Variants in AHI1 observed in about 807,000 individuals in gnomAD.
AHI1 encodes the protein Abelson helper integration site 1.
In AHI1, 123 loss-of-function variants were observed where a neutral mutation model predicts 149.3. That is an observed-to-expected ratio of 0.82 (90% CI 0.71 to 0.96). The LOEUF (loss-of-function observed/expected upper bound fraction) is 0.96. AHI1 is among the 40% of genes least tolerant of loss of function. The pLI is 0.00. For missense variants in AHI1, 1,439 were observed against 1,422.7 expected (o/e 1.01, Z -0.18); for synonymous variants, 475 against 459.8 (o/e 1.03, Z -0.42).
intron 23 of AHI1, among the ~76,000 whole-genome samples, chr6:135,360,365 C>T (rs1793671833): frequency 6.6e-6 from 1 of 152,196 alleles, no homozygotes; most frequent in Non-Finnish European, 1.5e-5. Flanking sequence ...ACACTGCCCT[C>T]CATGATGTTA....
At chr6:135,323,482 G>A in intron 24 of AHI1, 158 bp from the exon 25 acceptor site, 1 of 596,556 alleles carries the variant, frequency 1.7e-6, no homozygotes, top group Non-Finnish European at 2.8e-6. Flanking sequence ...GAGGGGTGGT[G>A]GGAACACAGC....
intron 23 of AHI1, among the ~76,000 whole-genome samples, chr6:135,381,800 C>T (rs1776803224): frequency 6.6e-6 from 1 of 152,164 alleles, no homozygotes; most frequent in Non-Finnish European, 1.5e-5. Flanking sequence ...CTGCTGGACT[C>T]CCCAGATAGA....
At chr6:135,495,763 A>T (rs1325213532) in intron 3 of AHI1, 51 bp downstream of exon 3, 1 of 152,306 alleles carries the variant, frequency 6.6e-6, no homozygotes, top group East Asian at 1.9e-4. Flanking sequence ...GAGAAGCAAA[A>T]GCAAAGCGAG....
intron 26 of AHI1, among the ~76,000 whole-genome samples, chr6:135,303,024 G>A (rs1396281569): frequency 6.6e-6 from 1 of 152,204 alleles, no homozygotes; most frequent in Non-Finnish European, 1.5e-5. Context: ...AAAGTGACGA[G>A]TGAAAGGACC....
intron 20 of AHI1, among the ~76,000 whole-genome samples, chr6:135,424,657 CAT>C (rs917610260): frequency 3.9e-5 from 6 of 151,906 alleles, no homozygotes; most frequent in Non-Finnish European, 7.4e-5. Context: ...ACAACCTGAA[CAT>C]ATGTTTACCA....
At chr6:135,344,486 G>GTTAGGTATAATTATTATTAAAGAT (rs1790866496) in intron 24 of AHI1, among the ~76,000 whole-genome samples, 1 of 151,384 alleles carries the variant, frequency 6.6e-6, no homozygotes. Context: ...CTCAATAAGA[G>GTTAGGTATAATTATTATTAAAGAT]TTAGGTATAA....
intron 24 of AHI1, among the ~76,000 whole-genome samples, chr6:135,334,113 C>A (rs1200936621): frequency 1.3e-5 from 2 of 152,140 alleles, no homozygotes; most frequent in East Asian, 3.8e-4. Context: ...GGATGACTTT[C>A]CAAGTTAGAC....
At chr6:135,418,443 C>T (rs1782685353) in intron 20 of AHI1, among the ~76,000 whole-genome samples, 2 of 151,940 alleles carry the variant, frequency 1.3e-5, no homozygotes, top group Admixed American at 1.3e-4. Context: ...GATGGAAAAT[C>T]CTTTGATTTA....
intron 15 of AHI1, among the ~76,000 whole-genome samples, chr6:135,437,029 G>A (rs778909890): frequency 1.3e-5 from 2 of 152,168 alleles, no homozygotes; most frequent in African/African-American, 4.8e-5. Context: ...CCTTTAAAAC[G>A]TCAGTCACGT....
In AHI1 at chr6:135,462,141, A is replaced by G. The variant is rs961195765; in HGVS notation, c.931+984T>C. On this transcript the variant is annotated intron_variant, in intron 8 of 28. Coordinates refer to ENST00000265602, the MANE Select transcript of AHI1 (RefSeq NM_001134831.2). ...ATCTATATACACATTATGCTTCAAC[A>G]AAAGATTTTAAAATTTTAATTATAG... 1.3e-4 allele frequency among the ~76,000 whole-genome samples: 20 copies of G among 152,178 alleles called. No homozygotes were observed. In the South Asian group the frequency reaches 2.3e-3, roughly 17 times the overall value.
chr6:135,312,969 G>A (rs1333382737), intron 26 of AHI1, among the ~76,000 whole-genome samples: 1 of 152,128 alleles, frequency 6.6e-6, no homozygotes, highest in Non-Finnish European at 1.5e-5. Flanking sequence ...TTAAATATCT[G>A]ATAGACTCTG....
At chr6:135,355,857 C>T (rs1376766151) in intron 24 of AHI1, among the ~76,000 whole-genome samples, 1 of 152,146 alleles carries the variant, frequency 6.6e-6, no homozygotes, top group Non-Finnish European at 1.5e-5. Context: ...TGAGATTGCG[C>T]CACGGCACTC....
intron 20 of AHI1, among the ~76,000 whole-genome samples, chr6:135,417,494 T>C (rs1191887883): frequency 6.6e-6 from 1 of 151,974 alleles, no homozygotes; most frequent in Non-Finnish European, 1.5e-5. Flanking sequence ...AAAAATGACA[T>C]TTTTAACTGG....
At chr6:135,496,451 T>A (rs958971742) in intron 2 of AHI1, among the ~76,000 whole-genome samples, 1 of 152,130 alleles carries the variant, frequency 6.6e-6, no homozygotes, top group African/African-American at 2.4e-5. Context: ...ACAGCAAACA[T>A]GATAGAATTA....
chr6:135,314,962 T>C (rs1224687148), intron 26 of AHI1, among the ~76,000 whole-genome samples: 1 of 152,342 alleles, frequency 6.6e-6, no homozygotes, highest in African/African-American at 2.4e-5. Context: ...CTTGCCTACG[T>C]CCTATTTCAC....
intron 5 of AHI1, among the ~76,000 whole-genome samples, chr6:135,469,328 C>T (rs958498520): frequency 2.0e-5 from 3 of 152,138 alleles, no homozygotes; most frequent in Non-Finnish European, 4.4e-5. Context: ...GTTAAAAACT[C>T]TCAATAAACA....
At chr6:135,407,503 T>G (rs1780958905) in intron 21 of AHI1, among the ~76,000 whole-genome samples, 1 of 152,126 alleles carries the variant, frequency 6.6e-6, no homozygotes, top group African/African-American at 2.4e-5. Flanking sequence ...GTGAATTCTC[T>G]CAACAAAGGA....
In AHI1 at chr6:135,317,535, C is replaced by T. The variant is rs536157423; in HGVS notation, c.3426+984G>A. Among the ~76,000 whole-genome samples the T allele has an allele frequency of 1.9e-4, 29 of 151,052 alleles. No homozygotes were observed. In the South Asian group the frequency reaches 3.2e-3, roughly 17 times the overall value. On this transcript the variant is annotated intron_variant, in intron 26 of 28. Coordinates refer to ENST00000265602, the MANE Select transcript of AHI1 (RefSeq NM_001134831.2). ...ACTCCCCCAGGGTATATTTAAGAGGCTTTCTTTGTATGTGTTCCCAATATA... is the reference window on the plus strand; with the variant it reads ...ACTCCCCCAGGGTATATTTAAGAGGTTTTCTTTGTATGTGTTCCCAATATA...
intron 24 of AHI1, among the ~76,000 whole-genome samples, chr6:135,348,492 G>A (rs1202360467): frequency 6.6e-6 from 1 of 152,108 alleles, no homozygotes; most frequent in South Asian, 2.1e-4. Flanking sequence ...TAAATGCTTT[G>A]TTAAAGCACA....
Sources: gnomAD v4.1 joint callset for allele counts (sites outside exome capture counted in the v4.1 genomes callset) on GRCh38, gnomAD v4.1.1 for gene constraint, MANE v1.5 for transcripts, NCBI Gene and HGNC (gene_info 2026-07-23, HGNC 2026-07-21) for gene names.